The following LRTM3 variants were observed in gnomAD, a reference collection of about 807,000 sequenced individuals.
LRTM3 encodes leucine-rich repeat transmembrane protein 3.
the LRTM3 span, chr13:102,743,247 C>T: frequency 1.3e-6 from 2 of 1,550,698 alleles, no homozygotes; most frequent in South Asian, 2.4e-5. Context: ...GCTATCCCTT[C>T]AGCTAGTGAC....
At chr13:102,747,479 A>G in the LRTM3 span, 2 of 1,549,002 alleles carry the variant, frequency 1.3e-6, no homozygotes, top group Middle Eastern at 1.7e-4. Flanking sequence ...TTTTTTTTTA[A>G]TTTCCTGCCT....
At chr13:102,758,995 G>C in the LRTM3 span, 1 of 1,041,986 alleles carries the variant, frequency 9.6e-7, no homozygotes, top group South Asian at 1.6e-5. Flanking sequence ...CAGAGGCCCT[G>C]AAATATAAAA....
the LRTM3 span, chr13:102,744,063 C>G: frequency 1.3e-6 from 2 of 1,550,468 alleles, no homozygotes; most frequent in Non-Finnish European, 1.7e-6. Flanking sequence ...GTACTCTTAG[C>G]ATATTCAGTG....
At chr13:102,743,556 A>T in the LRTM3 span, 8 of 1,549,542 alleles carry the variant, frequency 5.2e-6, no homozygotes, top group East Asian at 1.7e-4. Flanking sequence ...CTTTCTGATA[A>T]CTGTATTGTG....
chr13:102,758,547 T>C, the LRTM3 span: 1 of 1,547,298 alleles, frequency 6.5e-7, no homozygotes. Flanking sequence ...ACTTACCAAG[T>C]TTCCTGCTTT....
At chr13:102,736,355 G>A in the LRTM3 span, 1 of 1,550,976 alleles carries the variant, frequency 6.4e-7, no homozygotes, top group African/African-American at 1.4e-5. Context: ...AGGTGCTGAT[G>A]TCTTTGCCTT....
At chr13:102,742,064 C>T in the LRTM3 span, 1 of 1,550,446 alleles carries the variant, frequency 6.4e-7, no homozygotes. Context: ...AATGCATGTC[C>T]TGTCTTTTGG....
the LRTM3 span, chr13:102,747,128 G>C: frequency 6.4e-7 from 1 of 1,550,652 alleles, no homozygotes; most frequent in Middle Eastern, 1.7e-4. Flanking sequence ...TGTGTTTTGG[G>C]ATTCATTTCC....
chr13:102,748,266 C>T, the LRTM3 span: 4 of 1,551,068 alleles, frequency 2.6e-6, no homozygotes, highest in Middle Eastern at 1.7e-4. Context: ...AGGTCACTGT[C>T]TTCTGTAACA....
At chr13:102,730,015 A>G in the LRTM3 span, 2 of 1,551,672 alleles carry the variant, frequency 1.3e-6, no homozygotes, top group East Asian at 4.9e-5. Context: ...ATGATACACT[A>G]GATGACCTAG....
chr13:102,744,544 AAC>A, the LRTM3 span: 28 of 1,550,438 alleles, frequency 1.8e-5, no homozygotes, highest in Non-Finnish European at 2.3e-5. Flanking sequence ...TAGGCTCTAA[AAC>A]AGTTTCTCTA....
chr13:102,738,308 T>C, the LRTM3 span: 1 of 1,550,994 alleles, frequency 6.4e-7, no homozygotes, highest in East Asian at 2.4e-5. Context: ...ATCTGCTTTT[T>C]CCCCTGCCTC....
At chr13:102,738,381 C>T in the LRTM3 span, 10 of 1,550,864 alleles carry the variant, frequency 6.4e-6, no homozygotes, top group Non-Finnish European at 8.7e-6. Context: ...ACATACTCTG[C>T]TTTTTCTCTC....
At chr13:102,729,890 CTG>C in the LRTM3 span, 1 of 1,551,854 alleles carries the variant, frequency 6.4e-7, no homozygotes, top group Admixed American at 2.0e-5. Context: ...TTCTGGGTGC[CTG>C]TGAGACTTGC....
chr13:102,743,094 T>C, the LRTM3 span: 1 of 1,550,030 alleles, frequency 6.5e-7, no homozygotes, highest in African/African-American at 1.4e-5. Flanking sequence ...CTAAGATATG[T>C]GTTTGCCATG....
the LRTM3 span, chr13:102,749,458 C>T: frequency 6.4e-6 from 10 of 1,551,298 alleles, no homozygotes; most frequent in South Asian, 9.5e-5. Flanking sequence ...TAGTGTCTTG[C>T]CCCTTAATTG....
At chr13:102,729,432 G>T in the LRTM3 span, 2 of 1,433,304 alleles carry the variant, frequency 1.4e-6, no homozygotes, top group Non-Finnish European at 9.2e-7. Context: ...CACTTCAGAG[G>T]AGTTTAGCTA....
At chr13:102,749,934 T>C in the LRTM3 span, 1 of 1,551,236 alleles carries the variant, frequency 6.4e-7, no homozygotes, top group Non-Finnish European at 8.7e-7. Flanking sequence ...GGAATTTGAT[T>C]CCTCACATTT....
At chr13:102,734,166 G>C in the LRTM3 span, 3 of 1,551,384 alleles carry the variant, frequency 1.9e-6, no homozygotes, top group South Asian at 3.6e-5. Flanking sequence ...CTTGCCTCTT[G>C]GCAGTGTATC....
Sources: allele counts gnomAD v4.1 joint callset, GRCh38; gene constraint gnomAD v4.1.1; transcripts MANE v1.5; gene names NCBI Gene and HGNC (gene_info 2026-07-23, HGNC 2026-07-21).